TTLL8: variants seen among roughly 807,000 people sequenced by gnomAD.
TTLL8 encodes the protein protein monoglycylase TTLL8.
In TTLL8, 65 loss-of-function variants were observed where a neutral mutation model predicts 77.8. The ratio of observed to expected loss-of-function variants is 0.84; its 90% confidence interval spans 0.68 to 1.03. The LOEUF (loss-of-function observed/expected upper bound fraction) is 1.03. Among genes scored for constraint, TTLL8 ranks in the 50% least tolerant of loss-of-function variants. The pLI, the probability that TTLL8 is intolerant of heterozygous loss-of-function variation, is 0.00. For missense variants in TTLL8, 910 were observed against 1,004.5 expected (o/e 0.91, Z 1.27); for synonymous variants, 402 against 422.8 (o/e 0.95, Z 0.60).
intron 12 of TTLL8, among the ~76,000 whole-genome samples, chr22:50,022,174 T>A (rs193221500): frequency 0.023 from 3,199 of 138,070 alleles, 47 homozygotes; most frequent in South Asian, 0.054. Flanking sequence ...CACTCCTCCA[T>A]CTGATGATGT....
At chr22:50,047,325 C>T (rs1373327992) in intron 3 of TTLL8, 29 bp from the exon 6 acceptor site, 2 of 1,365,362 alleles carry the variant, frequency 1.5e-6, no homozygotes, top group Non-Finnish European at 9.8e-7. Flanking sequence ...TTATTGATGC[C>T]CAGCATTCAA....
intron 3 of TTLL8, among the ~76,000 whole-genome samples, chr22:50,048,564 G>A (rs530033064): frequency 1.3e-5 from 2 of 152,112 alleles, no homozygotes; most frequent in Non-Finnish European, 1.5e-5. Context: ...CACTGCCCAC[G>A]GACCTGTGGG....
intron 12 of TTLL8, among the ~76,000 whole-genome samples, chr22:50,026,996 G>A (rs2061233313): frequency 6.6e-6 from 1 of 152,296 alleles, no homozygotes; most frequent in African/African-American, 2.4e-5. Flanking sequence ...CACTTAGGGA[G>A]GCCGAGGTGG....
At chr22:50,022,474 G>A (rs1032579393) in intron 12 of TTLL8, among the ~76,000 whole-genome samples, 3 of 145,328 alleles carry the variant, frequency 2.1e-5, no homozygotes, top group Non-Finnish European at 3.0e-5. Flanking sequence ...CATCTGACGT[G>A]TACTCCTCCA....
At chr22:50,031,269 C>G (rs553895191) in intron 11 of TTLL8, among the ~76,000 whole-genome samples, 1 of 152,284 alleles carries the variant, frequency 6.6e-6, no homozygotes, top group East Asian at 1.9e-4. Flanking sequence ...CAGGGAGGCC[C>G]GCGAAAGATC....
chr22:50,025,212 A>G (rs2061224365), intron 12 of TTLL8, among the ~76,000 whole-genome samples: 1 of 151,758 alleles, frequency 6.6e-6, no homozygotes, highest in African/African-American at 2.4e-5. Flanking sequence ...TATTTCACGT[A>G]ACCCACAAAT....
chr22:50,049,440 G>A (rs2061431605), intron 2 of TTLL8, 118 bp from the exon 5 acceptor site: 1 of 1,103,992 alleles, frequency 9.1e-7, no homozygotes, highest in African/African-American at 1.6e-5. Context: ...CCTGGCTCCA[G>A]ATGGGGCCTT....
intron 8 of TTLL8, among the ~76,000 whole-genome samples, chr22:50,036,239 A>G (rs1223810169): frequency 3.3e-5 from 5 of 152,180 alleles, no homozygotes; most frequent in Admixed American, 6.5e-5. Context: ...GCAGCCGGGA[A>G]TCTCCCCTGG....
intron 1 of TTLL8, among the ~76,000 whole-genome samples, chr22:50,052,164 C>T (rs2146699204): frequency 6.6e-6 from 1 of 152,244 alleles, no homozygotes; most frequent in East Asian, 1.9e-4. Flanking sequence ...GGCCTGTCAC[C>T]CGCCCACGTG....
upstream of TTLL8, among the ~76,000 whole-genome samples, chr22:50,056,357 CCGAGTGCCTGAAATGGCAGCG>C (rs1038189740): frequency 7.2e-5 from 11 of 151,734 alleles, no homozygotes; most frequent in African/African-American, 2.4e-4. The surrounding 1 kb of genome is among the most constrained non-coding windows in gnomAD (Gnocchi z 4.1). Context: ...AACCACACAC[CCGAGTGCCTGAAATGGCAGCG>C]AGGACACCCA....
In TTLL8 at chr22:50,045,839, G is replaced by T. The variant is rs1450587338; in HGVS notation, c.508+17C>A. ...TCTGCTGACAGCACTGGGGCCCTCT[G>T]CCGTCTCCTCACTTACCCAGGAACT... On this transcript the variant is annotated intron_variant, in intron 5 of 13. Coordinates refer to ENST00000266182, the Ensembl canonical transcript of TTLL8. The T allele has an allele frequency of 2.3e-6, 3 of 1,325,810 alleles. No individual in the cohort carries two copies. The highest frequency in any genetic ancestry group is 1.2e-5 in the South Asian group (1 of 83,036). The allele number at this position is 1,325,810 out of a possible 1,614,324, so 82.1% of individuals were successfully genotyped here.
At chr22:50,031,712 C>T (rs771500556) in exon 11 of TTLL8, 5 of 1,326,046 alleles carry the variant, frequency 3.8e-6, no homozygotes, top group East Asian at 9.6e-5. Context: ...TCGAAGTTGC[C>T]GATGTCACAG....
At chr22:50,039,254 A>G (rs959003154) in intron 8 of TTLL8, among the ~76,000 whole-genome samples, 8 of 152,228 alleles carry the variant, frequency 5.3e-5, no homozygotes, top group Admixed American at 2.6e-4. Context: ...TGAATTAATT[A>G]AATTTAATTA....
chr22:50,020,398 CATCT>C (rs1161540189), intron 12 of TTLL8, among the ~76,000 whole-genome samples: 1 of 151,922 alleles, frequency 6.6e-6, no homozygotes, highest in Non-Finnish European at 1.5e-5. Context: ...TGCATTCCTC[CATCT>C]GACAATGTGT....
At chr22:50,030,579 A>G in exon 12 of TTLL8, 1 of 1,304,144 alleles carries the variant, frequency 7.7e-7, no homozygotes, top group Non-Finnish European at 1.0e-6. Context: ...CTGACTGTCC[A>G]CGTGGCGACA....
upstream of TTLL8, chr22:50,055,291 A>G: frequency 7.8e-7 from 1 of 1,290,154 alleles, no homozygotes; most frequent in Non-Finnish European, 1.0e-6. Context: ...ATCTGGAGGA[A>G]GAAGCCAAGT....
intron 6 of TTLL8, 34 bp downstream of exon 8, chr22:50,045,221 T>C (rs771830599): frequency 1.5e-6 from 2 of 1,339,414 alleles, no homozygotes; most frequent in South Asian, 2.3e-5. Flanking sequence ...CGAGCTCTGG[T>C]GGCCTGGCAC....
At chr22:50,050,118 G>A (rs117334902) in exon 2 of TTLL8, 58,104 of 1,366,800 alleles carry the variant, frequency 0.043, 1,468 homozygotes, top group Non-Finnish European at 0.049. Context: ...CCATTGACCC[G>A]GGCGCCTTCA....
intron 8 of TTLL8, among the ~76,000 whole-genome samples, chr22:50,036,838 TC>T (rs1569227124): frequency 6.6e-6 from 1 of 152,040 alleles, no homozygotes; most frequent in Non-Finnish European, 1.5e-5. Context: ...CCTCGGGTGA[TC>T]CCCCCGCCTC....
Sources: allele counts gnomAD v4.1 joint callset (sites outside exome capture counted in the v4.1 genomes callset), GRCh38; gene constraint gnomAD v4.1.1; non-coding constraint Gnocchi (gnomAD v3.1); transcripts MANE v1.5; gene names NCBI Gene and HGNC (gene_info 2026-07-23, HGNC 2026-07-21).